The following SPATA6 variants were observed in gnomAD, a reference collection of about 807,000 sequenced individuals.
SPATA6 encodes the protein spermatogenesis associated 6.
In SPATA6, 56 loss-of-function variants were observed where a neutral mutation model predicts 65.3. That is an observed-to-expected ratio of 0.86 (90% CI 0.69 to 1.07). The LOEUF is 1.07. Ranked by LOEUF, SPATA6 falls within the 50% of genes least tolerant of loss-of-function variation. SPATA6 has a pLI of 0.00. For synonymous variants in SPATA6, 199 were observed against 213.2 expected, an observed-to-expected ratio of 0.93 and a Z score of 0.58; for missense variants, 590 against 594.8, an observed-to-expected ratio of 0.99 and a Z score of 0.08.
At chr1:48,455,938 A>G (rs1656968192) in intron 1 of SPATA6, among the ~76,000 whole-genome samples, 1 of 152,188 alleles carries the variant, frequency 6.6e-6, no homozygotes, top group South Asian at 2.1e-4. Flanking sequence ...GTTAAAAGAA[A>G]TCAGATGGGA....
intron 3 of SPATA6, among the ~76,000 whole-genome samples, chr1:48,433,457 T>TA (rs1299371181): frequency 6.6e-6 from 1 of 152,166 alleles, no homozygotes; most frequent in African/African-American, 2.4e-5. Flanking sequence ...TCTACTATCT[T>TA]ATAGCTAAAA....
chr1:48,364,200 G>A (rs1416028462), intron 9 of SPATA6, among the ~76,000 whole-genome samples: 1 of 152,014 alleles, frequency 6.6e-6, no homozygotes, highest in Non-Finnish European at 1.5e-5. Context: ...CCAATCTATT[G>A]TTGTTGGACA....
At position 48,354,847 on chromosome 1, in the gene SPATA6, A is replaced by T. The variant is rs114370448; in HGVS notation, c.1194+823T>A. Among the ~76,000 whole-genome samples the T allele has an allele frequency of 8.6e-3, 1,304 of 152,268 alleles. 22 individuals carry two copies. Among genetic ancestry groups the T allele is most frequent in the African/African-American group, 0.03 (1,263 of 41,566 alleles). ...TTTCTTGATCTGGTAGGTAGTTTAC[A>T]TGAGACTGTTAATTTTATAATTTCT... On this transcript the variant is annotated intron_variant, in intron 11 of 12. Coordinates refer to ENST00000371847, the MANE Select transcript of SPATA6 (RefSeq NM_019073.4).
intron 3 of SPATA6, chr1:48,437,030 A>G (rs2148083866): frequency 1.2e-6 from 2 of 1,608,036 alleles, no homozygotes; most frequent in Non-Finnish European, 1.7e-6. Context: ...CAAGATCCTG[A>G]GAAAAGGCCA....
chr1:48,295,003 G>A (rs1411327414), downstream of SPATA6, among the ~76,000 whole-genome samples: 1 of 151,946 alleles, frequency 6.6e-6, no homozygotes, highest in Non-Finnish European at 1.5e-5. Context: ...TACACTTTTT[G>A]TTTTCATACT....
intron 11 of SPATA6, among the ~76,000 whole-genome samples, chr1:48,346,301 A>G (rs1421724379): frequency 1.3e-5 from 2 of 152,126 alleles, no homozygotes; most frequent in Middle Eastern, 3.2e-3. Flanking sequence ...AACTCTCAAT[A>G]AACTAAGCAT....
At chr1:48,283,307 C>A in the SPATA6 span, among the ~76,000 whole-genome samples, 20,929 of 150,852 alleles carry the variant, frequency 0.14, 1,664 homozygotes, top group African/African-American at 0.2. Context: ...ACATTGTGCA[C>A]ATGTACCCCC....
At chr1:48,343,928 T>C (rs1352444041) in intron 11 of SPATA6, among the ~76,000 whole-genome samples, 1 of 151,432 alleles carries the variant, frequency 6.6e-6, no homozygotes, top group Non-Finnish European at 1.5e-5. Flanking sequence ...AGTAGAAAAA[T>C]TAAATAACAA....
the SPATA6 span, among the ~76,000 whole-genome samples, chr1:48,289,532 C>A: frequency 6.6e-6 from 1 of 152,120 alleles, no homozygotes; most frequent in Non-Finnish European, 1.5e-5. Flanking sequence ...TTCAGAGGAT[C>A]AGTAATAACA....
intron 8 of SPATA6, among the ~76,000 whole-genome samples, chr1:48,388,867 C>A (rs1437505750): frequency 6.6e-6 from 1 of 152,084 alleles, no homozygotes; most frequent in Non-Finnish European, 1.5e-5. Flanking sequence ...TGCCACCACA[C>A]CCACCTAATT....
chr1:48,272,975 G>A, the SPATA6 span, among the ~76,000 whole-genome samples: 50 of 151,892 alleles, frequency 3.3e-4, no homozygotes, highest in Non-Finnish European at 3.5e-4. Context: ...TTGTAATTTC[G>A]GTATTAAGGT....
chr1:48,286,173 T>C, the SPATA6 span, among the ~76,000 whole-genome samples: 1 of 152,072 alleles, frequency 6.6e-6, no homozygotes. Flanking sequence ...TAGTTTCATA[T>C]GAATTTTAGG....
intron 9 of SPATA6, 48 bp downstream of exon 9, chr1:48,385,261 T>C (rs753830879): frequency 3.9e-6 from 6 of 1,525,496 alleles, no homozygotes; most frequent in South Asian, 3.8e-5. Context: ...ACTCATGTTG[T>C]TGTCTGAAAG....
the SPATA6 span, among the ~76,000 whole-genome samples, chr1:48,280,842 C>A: frequency 6.6e-6 from 1 of 152,174 alleles, no homozygotes; most frequent in Non-Finnish European, 1.5e-5. Context: ...ATGAGGCCAG[C>A]ATCATCCTGA....
chr1:48,368,189 C>T (rs570443769), intron 9 of SPATA6, among the ~76,000 whole-genome samples: 36 of 152,300 alleles, frequency 2.4e-4, no homozygotes, highest in South Asian at 2.1e-4. Flanking sequence ...GGGCTTCCCT[C>T]TGTGGGTAAC....
chr1:48,323,886 G>A (rs1271757406), intron 11 of SPATA6, among the ~76,000 whole-genome samples: 2 of 151,968 alleles, frequency 1.3e-5, no homozygotes, highest in African/African-American at 4.8e-5. Context: ...AAAAGCACAG[G>A]GCTCGATGGA....
the SPATA6 span, among the ~76,000 whole-genome samples, chr1:48,283,239 C>T: frequency 2.4e-4 from 36 of 150,566 alleles, no homozygotes; most frequent in Admixed American, 1.7e-3. Flanking sequence ...TGCTAAATGA[C>T]GAGTTGATGG....
intron 9 of SPATA6, among the ~76,000 whole-genome samples, chr1:48,373,216 C>T (rs1356030553): frequency 6.6e-6 from 1 of 152,220 alleles, no homozygotes; most frequent in Non-Finnish European, 1.5e-5. Context: ...GCACCCAAGT[C>T]ACCTCTTGAA....
At chr1:48,372,503 G>A (rs373327403) in intron 9 of SPATA6, among the ~76,000 whole-genome samples, 31 of 152,286 alleles carry the variant, frequency 2.0e-4, no homozygotes, top group Middle Eastern at 3.4e-3. Context: ...CTGCTTTCAC[G>A]GGCTGGCATT....
Sources: allele counts gnomAD v4.1 joint callset (sites outside exome capture counted in the v4.1 genomes callset), GRCh38; gene constraint gnomAD v4.1.1; transcripts MANE v1.5; gene names NCBI Gene and HGNC (gene_info 2026-07-23, HGNC 2026-07-21).